Variants in CD226 observed in about 807,000 individuals in gnomAD.
CD226 encodes the protein CD226 molecule.
CD226 carries 24 observed loss-of-function variants against 34.9 expected under a neutral mutation model. The ratio of observed to expected loss-of-function variants is 0.69; its 90% CI spans 0.50 to 0.97. The LOEUF (loss-of-function observed/expected upper bound fraction) is 0.97, where lower values mean the gene tolerates loss of function less well. CD226 is among the 50% of genes least tolerant of loss of function. CD226 has a pLI of 0.00. For synonymous variants in CD226, 148 were observed against 147.4 expected (o/e 1.00, Z -0.03); for missense variants, 397 against 412.7 (o/e 0.96, Z 0.33).
At chr18:69,898,088 GAAAATT>G (rs1169538310) in intron 2 of CD226, among the ~76,000 whole-genome samples, 1 of 151,740 alleles carries the variant, frequency 6.6e-6, no homozygotes, top group Non-Finnish European at 1.5e-5. Flanking sequence ...GAAACAAAAG[GAAAATT>G]AAAATAAAAA....
At chr18:69,903,921 C>T (rs571254819) in intron 2 of CD226, among the ~76,000 whole-genome samples, 13 of 152,248 alleles carry the variant, frequency 8.5e-5, no homozygotes, top group Admixed American at 1.3e-4. Flanking sequence ...ACCATCAGGA[C>T]GACATCTTGG....
At chr18:69,888,167 TATAAGA>T in intron 3 of CD226, among the ~76,000 whole-genome samples, 1 of 152,348 alleles carries the variant, frequency 6.6e-6, no homozygotes, top group East Asian at 1.9e-4. Flanking sequence ...CTATTAATCT[TATAAGA>T]ATAACTTATT....
chr18:69,912,628 A>C (rs941090693), intron 2 of CD226, among the ~76,000 whole-genome samples: 1 of 152,244 alleles, frequency 6.6e-6, no homozygotes, highest in Non-Finnish European at 1.5e-5. Flanking sequence ...ATATTTCATG[A>C]TCTTTATTAA....
rs1568208686 is a variant in CD226 at position 69,946,908 on chromosome 18, C to T, written c.208G>A (p.Val70Ile). ...CTCTCAGCATAGGGCTTCCTTATGA[C>T]CATGCCATGAGTAGGGCTGAAAATG... ...IAIFSPTHGM[V>I]IRKPYAERVY... Residue 70 changes from valine to isoleucine, a missense_variant, in exon 2 of 6, where the codon GTC becomes ATC. Val to Ile is a conservative substitution (Grantham distance 29, BLOSUM62 3). Coordinates refer to ENST00000582621, the MANE Select transcript of CD226 (RefSeq NM_001303618.2). 2 of 1,614,116 alleles carry T rather than the reference C, an allele frequency of 1.2e-6. No individual in the cohort carries two copies. The highest frequency in any genetic ancestry group is 1.3e-5 in the African/African-American group (1 of 75,018).
At chr18:69,903,977 T>C (rs11877699) in intron 2 of CD226, among the ~76,000 whole-genome samples, 4,070 of 152,172 alleles carry the variant, frequency 0.027, 165 homozygotes, top group African/African-American at 0.093. Context: ...AGCAAGTCCA[T>C]CCTGCTGAGA....
intron 2 of CD226, among the ~76,000 whole-genome samples, chr18:69,919,485 G>A (rs2055425689): frequency 6.6e-6 from 1 of 152,190 alleles, no homozygotes; most frequent in Admixed American, 6.5e-5. Context: ...CATCCAGGAA[G>A]TAGACAAAAC....
At chr18:69,893,803 G>A (rs1186215644) in intron 3 of CD226, among the ~76,000 whole-genome samples, 1 of 152,184 alleles carries the variant, frequency 6.6e-6, no homozygotes, top group African/African-American at 2.4e-5. Context: ...AGGAACAAGG[G>A]AGGCTTGATG....
chr18:69,910,705 C>G, intron 2 of CD226, among the ~76,000 whole-genome samples: 1 of 152,158 alleles, frequency 6.6e-6, no homozygotes, highest in East Asian at 1.9e-4. Context: ...GTTTAACAAA[C>G]ATACCACAAT....
chr18:69,942,864 AC>A (rs1489631493), intron 2 of CD226, among the ~76,000 whole-genome samples: 1 of 152,078 alleles, frequency 6.6e-6, no homozygotes, highest in Non-Finnish European at 1.5e-5. Context: ...AGCCATCAGT[AC>A]CCCCAGGACA....
At chr18:69,930,946 C>G (rs140492013) in intron 2 of CD226, among the ~76,000 whole-genome samples, 2 of 152,116 alleles carry the variant, frequency 1.3e-5, no homozygotes, top group Non-Finnish European at 2.9e-5. Context: ...ACAAACACTG[C>G]GGCACTATTC....
intron 2 of CD226, among the ~76,000 whole-genome samples, chr18:69,899,315 G>A (rs1002759097): frequency 2.6e-5 from 4 of 152,174 alleles, no homozygotes; most frequent in Non-Finnish European, 4.4e-5. Flanking sequence ...TGCAGTTTGA[G>A]CAGCTCTGCA....
chr18:69,958,718 T>C (rs944892409), upstream of CD226, among the ~76,000 whole-genome samples: 9 of 151,670 alleles, frequency 5.9e-5, no homozygotes, highest in African/African-American at 2.2e-4. Flanking sequence ...AAAATGCAGA[T>C]TGATACAGGC....
chr18:69,887,331 AC>A (rs1363871101), intron 3 of CD226, among the ~76,000 whole-genome samples: 4 of 152,154 alleles, frequency 2.6e-5, no homozygotes, highest in Admixed American at 2.0e-4. Context: ...ATACACACAC[AC>A]ACACACACAC....
chr18:69,887,531 C>A (rs1042816522), intron 3 of CD226, among the ~76,000 whole-genome samples: 10 of 152,212 alleles, frequency 6.6e-5, no homozygotes, highest in African/African-American at 2.2e-4. Context: ...ATCTTCTCAA[C>A]TCAGCATCTA....
At chr18:69,904,784 TG>T (rs2055231171) in intron 2 of CD226, among the ~76,000 whole-genome samples, 1 of 152,194 alleles carries the variant, frequency 6.6e-6, no homozygotes, top group Non-Finnish European at 1.5e-5. Context: ...AGCATTGGTC[TG>T]TTTCTTCTAC....
At chr18:69,931,139 AC>A (rs1425509435) in intron 2 of CD226, among the ~76,000 whole-genome samples, 1 of 152,016 alleles carries the variant, frequency 6.6e-6, no homozygotes, top group Non-Finnish European at 1.5e-5. Context: ...AAAGACAAAA[AC>A]CAAACACCGC....
chr18:69,949,614 C>G (rs563042626), upstream of CD226, among the ~76,000 whole-genome samples: 11 of 152,256 alleles, frequency 7.2e-5, no homozygotes, highest in African/African-American at 2.4e-4. Flanking sequence ...CATGCACACA[C>G]TGACACACTC....
intron 2 of CD226, among the ~76,000 whole-genome samples, chr18:69,920,779 C>A (rs546823709): frequency 6.6e-5 from 10 of 151,816 alleles, no homozygotes. Flanking sequence ...TTATGACTAG[C>A]GAAGACAGAG....
intron 3 of CD226, among the ~76,000 whole-genome samples, chr18:69,882,944 A>T (rs760871151): frequency 6.6e-6 from 1 of 152,252 alleles, no homozygotes; most frequent in Non-Finnish European, 1.5e-5. Flanking sequence ...TTGGGATTAC[A>T]GGCAGGAGCC....
Sources: gnomAD v4.1 joint callset for allele counts (sites outside exome capture counted in the v4.1 genomes callset) on GRCh38, gnomAD v4.1.1 for gene constraint, MANE v1.5 for transcripts, NCBI Gene and HGNC (gene_info 2026-07-23, HGNC 2026-07-21) for gene names.